Variants in RBBP4 observed in about 807,000 individuals in gnomAD.
The protein encoded by RBBP4 is RB binding protein 4, chromatin remodeling factor, also known as histone-binding protein RBBP4.
RBBP4 carries 3 observed loss-of-function variants against 57.2 expected under a neutral mutation model. The ratio of observed to expected loss-of-function variants is 0.05; its 90% CI spans 0.02 to 0.14. The LOEUF (loss-of-function observed/expected upper bound fraction) is 0.14. Ranked by LOEUF, RBBP4 falls within the 10% of genes least tolerant of loss-of-function variation. The pLI, the probability that RBBP4 is intolerant of heterozygous loss-of-function variation, is 1.00. For missense variants in RBBP4, 107 were observed against 520.6 expected (o/e 0.21, Z 7.73); for synonymous variants, 151 against 171.5 (o/e 0.88, Z 0.93).
intron 4 of RBBP4, 113 bp from the exon 5 acceptor site, chr1:32,668,626 A>T: frequency 1.1e-6 from 1 of 887,190 alleles, no homozygotes; most frequent in South Asian, 1.6e-5. Flanking sequence ...AACGGTTCCT[A>T]TATCATTTAT....
chr1:32,662,587 G>A (rs1207696415), intron 3 of RBBP4, among the ~76,000 whole-genome samples: 1 of 151,394 alleles, frequency 6.6e-6, no homozygotes, highest in African/African-American at 2.4e-5. Context: ...CGTTGGCCAG[G>A]TTGGTCTCGA....
At position 32,681,941 on chromosome 1, in the gene RBBP4, A is replaced by G. The variant is rs369927201; in HGVS notation, c.*2236A>G. ...CAGGCTTTGTTGAGAAGAGATTGTT[A>G]CAGTGTGATTTATGGATGATCAGGG... On this transcript the variant is annotated 3_prime_UTR_variant, in exon 12 of 12. Transcript: ENST00000373493. 399 of 1,298,966 alleles carry G rather than the reference A, an allele frequency of 3.1e-4. 1 individual carries two copies. Among genetic ancestry groups the G allele is most frequent in the Admixed American group, 4.1e-4 (24 of 58,058 alleles). The allele number at this position is 1,298,966 out of a possible 1,614,324, so 80.5% of individuals were successfully genotyped here.
At chr1:32,673,522 C>T (rs1196367091) in intron 11 of RBBP4, 2 of 419,906 alleles carry the variant, frequency 4.8e-6, no homozygotes, top group Non-Finnish European at 9.3e-6. Context: ...ACTGCAACTT[C>T]CACCTCCCAG....
At chr1:32,668,452 T>A in intron 4 of RBBP4, 54 bp downstream of exon 4, 1 of 1,474,950 alleles carries the variant, frequency 6.8e-7, no homozygotes, top group Non-Finnish European at 9.4e-7. Flanking sequence ...AATACATGGT[T>A]CCACTCACTG....
In RBBP4 at chr1:32,681,599, C is replaced by T. The variant is rs1649440092; in HGVS notation, c.*1894C>T. 1.7e-6 allele frequency: 1 copy of T among 586,750 alleles called. No individual in the cohort carries two copies. The allele number at this position is 586,750 out of a possible 1,614,324, so 36.3% of individuals were successfully genotyped here. Reference sequence around the variant, plus strand: ...AGACAGGAGGCTCATCTTTCCTTTCCTTGGTGCATTGAGATCAGTATCAAC... The same window carrying T: ...AGACAGGAGGCTCATCTTTCCTTTCTTTGGTGCATTGAGATCAGTATCAAC... On this transcript the variant is annotated 3_prime_UTR_variant, in exon 12 of 12. Coordinates refer to ENST00000373493, the MANE Select transcript of RBBP4 (RefSeq NM_005610.3).
chr1:32,674,692 C>T (rs1649020119), intron 11 of RBBP4, among the ~76,000 whole-genome samples: 1 of 150,818 alleles, frequency 6.6e-6, no homozygotes, highest in South Asian at 2.1e-4. Flanking sequence ...ATGTTTTCAT[C>T]AGTACTTTCT....
rs899086167 is a variant in RBBP4, at chr1:32,683,350, T to C, written c.*3645T>C. On this transcript the variant is annotated 3_prime_UTR_variant, in exon 12 of 12. Transcript: ENST00000373493. ...AAAACCACAGCCTTTGAATATTATATAAGGAACTTAATGGATAGATATGTT... is the reference window on the plus strand; with the variant it reads ...AAAACCACAGCCTTTGAATATTATACAAGGAACTTAATGGATAGATATGTT... 2 of 151,656 alleles carry C rather than the reference T, an allele frequency of 1.3e-5. No individual in the cohort carries two copies. Among genetic ancestry groups the C allele is most frequent in the Admixed American group, 6.6e-5 (1 of 15,200 alleles). 9.4% of individuals were successfully genotyped at this position (151,656 alleles called of 1,614,324 possible). A position where few individuals can be genotyped will look rare whatever the true frequency, so the allele number is the denominator to read the frequency against.
At chr1:32,655,593 C>G (rs1648105243) in intron 2 of RBBP4, among the ~76,000 whole-genome samples, 1 of 152,044 alleles carries the variant, frequency 6.6e-6, no homozygotes, top group Non-Finnish European at 1.5e-5. Context: ...ATCTTTAGAC[C>G]TCACTTCTCC....
Position 32,680,340 on chromosome 1 carries a change from T to G in RBBP4, c.*635T>G, listed in dbSNP as rs944252470. On this transcript the variant is annotated 3_prime_UTR_variant, in exon 12 of 12. Coordinates refer to ENST00000373493, the MANE Select transcript of RBBP4 (RefSeq NM_005610.3). ...TTATTTCCTGTCTGTGAAATGGTGTTTTTTTTTTTGTTGTTGGTTTTTTTT... is the reference window on the plus strand; with the variant it reads ...TTATTTCCTGTCTGTGAAATGGTGTGTTTTTTTTTGTTGTTGGTTTTTTTT... 2.8e-5 allele frequency: 33 copies of G among 1,188,692 alleles called. No homozygotes were observed. The East Asian group carries it at 3.3e-4, about 12-fold the overall frequency. 73.6% of individuals were successfully genotyped at this position (1,188,692 alleles called of 1,614,324 possible).
intron 8 of RBBP4, among the ~76,000 whole-genome samples, chr1:32,670,304 CAT>C (rs1348374627): frequency 1.3e-5 from 2 of 152,226 alleles, no homozygotes; most frequent in Non-Finnish European, 2.9e-5. Context: ...TTACTTGCCA[CAT>C]GTGTTGATTT....
At position 32,676,551 on chromosome 1, in the gene RBBP4, G is replaced by A. The variant is rs970484769; in HGVS notation, c.1213-3089G>A. Reference sequence around the variant, plus strand: ...TTTGAACCCAGGAGGCGGAGGAGTTGCGGTGAGCCAAGATCGCACCATTGC... The same window carrying A: ...TTTGAACCCAGGAGGCGGAGGAGTTACGGTGAGCCAAGATCGCACCATTGC... On this transcript the variant is annotated intron_variant, in intron 11 of 11. Coordinates refer to ENST00000373493, the MANE Select transcript of RBBP4 (RefSeq NM_005610.3). 9.3e-5 allele frequency among the ~76,000 whole-genome samples: 14 copies of A among 150,898 alleles called. No homozygotes were observed. The East Asian group carries it at 2.3e-3, about 25-fold the overall frequency.
intron 2 of RBBP4, among the ~76,000 whole-genome samples, chr1:32,655,252 C>T (rs1031901333): frequency 1.3e-5 from 2 of 152,154 alleles, no homozygotes; most frequent in African/African-American, 2.4e-5. Context: ...GCTGGGATTA[C>T]AGACATGAGC....
In RBBP4 at chr1:32,654,684, TTTG is replaced by T. The variant is rs901944872; in HGVS notation, c.164+2638_164+2640del. On this transcript the variant is annotated intron_variant, in intron 2 of 11. Coordinates refer to ENST00000373493, the MANE Select transcript of RBBP4 (RefSeq NM_005610.3). Reference sequence around the variant, plus strand: ...TAGATAAATAATGTGAGAATTGTTTTTTGTTGTTGTTGTTGTTTTGAGACGGAG... The same window carrying T: ...TAGATAAATAATGTGAGAATTGTTTTTTGTTGTTGTTGTTTTGAGACGGAG... 5.5e-4 allele frequency among the ~76,000 whole-genome samples: 83 copies of T among 152,244 alleles called. No individual in the cohort carries two copies. In the East Asian group the frequency reaches 0.01, roughly 19 times the overall value.
rs916793009 is a variant in RBBP4 at position 32,681,636 on chromosome 1, T to C, written c.*1931T>C. 2 of 664,014 alleles carry C rather than the reference T, an allele frequency of 3.0e-6. No homozygotes were observed. Among genetic ancestry groups the C allele is most frequent in the Admixed American group, 2.8e-5 (1 of 35,492 alleles). The allele number at this position is 664,014 out of a possible 1,614,324, so 41.1% of individuals were successfully genotyped here. The stretch of plus-strand genomic sequence containing the variant: ...AGATCAGTATCAACAGCAGATGAAA[T>C]AGAATCCAGCAAAGAGTTGACATGT... On this transcript the variant is annotated 3_prime_UTR_variant, in exon 12 of 12. Coordinates refer to ENST00000373493, the MANE Select transcript of RBBP4 (RefSeq NM_005610.3).
chr1:32,675,580 T>C (rs1186806345), intron 11 of RBBP4, among the ~76,000 whole-genome samples: 1 of 149,516 alleles, frequency 6.7e-6, no homozygotes, highest in Non-Finnish European at 1.5e-5. Flanking sequence ...CCATCCTGGC[T>C]AACATGGTGA....
At chr1:32,658,507 TA>T (rs1243266335) in intron 3 of RBBP4, among the ~76,000 whole-genome samples, 2 of 151,664 alleles carry the variant, frequency 1.3e-5, no homozygotes, top group African/African-American at 4.8e-5. Flanking sequence ...TTTTAGGCCA[TA>T]ACCTAAGGGT....
chr1:32,653,676 T>A, intron 2 of RBBP4, among the ~76,000 whole-genome samples: 1 of 107,384 alleles, frequency 9.3e-6, no homozygotes, highest in East Asian at 3.0e-4. Context: ...GTTTTTTTTT[T>A]TGAGACGGAG....
chr1:32,684,395 G>A lies in RBBP4; in HGVS notation c.*4690G>A. 1 of 1,613,988 alleles carries A rather than the reference G, an allele frequency of 6.2e-7. No individual in the cohort carries two copies. Among genetic ancestry groups the A allele is most frequent in the Non-Finnish European group, 8.5e-7 (1 of 1,179,984 alleles). Reference sequence around the variant, plus strand: ...CCTCCAGCTGTTCCTGCATGAGATGGCCAAGAACATTTCTAATGAGCCAAA... The same window carrying A: ...CCTCCAGCTGTTCCTGCATGAGATGACCAAGAACATTTCTAATGAGCCAAA... On this transcript the variant is annotated 3_prime_UTR_variant, in exon 12 of 12. Transcript: ENST00000373493.
chr1:32,669,035 A>G lies in RBBP4; in HGVS notation c.664A>G (p.Ile222Val). The change falls in exon 6 of 12, where the codon ATC (isoleucine) becomes GTC (valine). Residue 222 changes from isoleucine (I) to valine (V), a missense_variant. By Grantham distance (29) the Ile-to-Val change is conservative (BLOSUM62 3). Coordinates refer to ENST00000373493, the MANE Select transcript of RBBP4 (RefSeq NM_005610.3). The surrounding 1 kb of genome is among the most constrained non-coding windows in gnomAD (Gnocchi z 4.9). ...KEGKVVDAKTIFTGHTAVVED... is the reference protein window; with the variant it reads ...KEGKVVDAKTVFTGHTAVVED... The stretch of plus-strand genomic sequence containing the variant: ...GGGAAAAGTGGTAGATGCGAAGACC[A>G]TCTTTACAGGGCATACGGCAGTAGT... The G allele has an allele frequency of 6.2e-7, 1 of 1,614,124 alleles. No individual in the cohort carries two copies. Among genetic ancestry groups the G allele is most frequent in the South Asian group, 1.1e-5 (1 of 91,086 alleles).
Sources: allele counts gnomAD v4.1 joint callset (sites outside exome capture counted in the v4.1 genomes callset), GRCh38; gene constraint gnomAD v4.1.1; non-coding constraint Gnocchi (gnomAD v3.1); transcripts MANE v1.5; gene names NCBI Gene and HGNC (gene_info 2026-07-23, HGNC 2026-07-21).